The following OLA1 variants were observed in gnomAD, a reference collection of about 807,000 sequenced individuals.
The protein encoded by OLA1 is Obg like ATPase 1, also known as obg-like ATPase 1.
OLA1 carries 14 observed loss-of-function variants against 48.4 expected under a neutral mutation model. The ratio of observed to expected loss-of-function variants is 0.29; its 90% CI spans 0.19 to 0.45. The LOEUF is 0.45. Among genes scored for constraint, OLA1 ranks in the 20% least tolerant of loss-of-function variants. OLA1 has a pLI of 1.00. For missense variants in OLA1, 325 were observed against 467.1 expected, an observed-to-expected ratio of 0.70 and a Z score of 2.80; for synonymous variants, 127 against 150.4, an observed-to-expected ratio of 0.84 and a Z score of 1.14.
intron 4 of OLA1, among the ~76,000 whole-genome samples, chr2:174,145,050 C>T (rs1214926619): frequency 2.2e-5 from 3 of 139,474 alleles, no homozygotes; most frequent in Non-Finnish European, 4.6e-5. Flanking sequence ...GACAAATTAC[C>T]TAACCTCTAT....
intron 1 of OLA1, chr2:174,247,096 C>T: frequency 4.8e-6 from 1 of 207,150 alleles, no homozygotes. Context: ...TGGCTCAGGC[C>T]TGTAATCCCA....
At chr2:174,219,817 C>T (rs1484008757) in intron 4 of OLA1, among the ~76,000 whole-genome samples, 7 of 152,162 alleles carry the variant, frequency 4.6e-5, no homozygotes, top group African/African-American at 1.4e-4. Context: ...TCCATCCCCA[C>T]CTCAACTGTC....
At chr2:174,101,071 A>T (rs985037183) in intron 7 of OLA1, among the ~76,000 whole-genome samples, 3 of 152,214 alleles carry the variant, frequency 2.0e-5, no homozygotes, top group African/African-American at 7.2e-5. Context: ...CACAGTGTAG[A>T]TACATGCTTA....
chr2:174,102,201 T>A (rs1574482209), intron 7 of OLA1, among the ~76,000 whole-genome samples: 1 of 151,958 alleles, frequency 6.6e-6, no homozygotes, highest in Non-Finnish European at 1.5e-5. Flanking sequence ...TCAGGCCCCA[T>A]CTGAATCAGA....
At chr2:174,235,146 G>A (rs1396939895) in intron 2 of OLA1, among the ~76,000 whole-genome samples, 4 of 152,186 alleles carry the variant, frequency 2.6e-5, no homozygotes, top group African/African-American at 4.8e-5. Flanking sequence ...GCAACAGAGC[G>A]AGACTTTGTC....
At chr2:174,151,241 G>A (rs376902623) in intron 4 of OLA1, among the ~76,000 whole-genome samples, 3 of 152,118 alleles carry the variant, frequency 2.0e-5, no homozygotes, top group Non-Finnish European at 4.4e-5. Context: ...TCAGAAGAAC[G>A]GCATTAGAAT....
intron 3 of OLA1, among the ~76,000 whole-genome samples, chr2:174,228,208 T>G (rs1201100281): frequency 6.6e-6 from 1 of 152,134 alleles, no homozygotes; most frequent in East Asian, 1.9e-4. Context: ...GACAGAAACC[T>G]GGGATTTATC....
chr2:174,227,938 T>C (rs1452298421), intron 3 of OLA1, among the ~76,000 whole-genome samples: 3 of 152,186 alleles, frequency 2.0e-5, no homozygotes, highest in Non-Finnish European at 4.4e-5. Context: ...ACTCACAAAA[T>C]TGCTGATAAG....
intron 3 of OLA1, among the ~76,000 whole-genome samples, chr2:174,223,488 G>A (rs2105450999): frequency 6.6e-6 from 1 of 152,248 alleles, no homozygotes; most frequent in East Asian, 1.9e-4. Flanking sequence ...GGTGAAGAAT[G>A]TTTAGAGTAT....
chr2:174,219,006 T>TTTG (rs57416373), intron 4 of OLA1, among the ~76,000 whole-genome samples: 2 of 135,802 alleles, frequency 1.5e-5, no homozygotes, highest in Admixed American at 7.5e-5. Flanking sequence ...TTTTTTTTTT[T>TTTG]GTAGCAATGT....
intron 4 of OLA1, among the ~76,000 whole-genome samples, chr2:174,159,803 T>C (rs1034814759): frequency 9.5e-6 from 1 of 105,740 alleles, no homozygotes; most frequent in African/African-American, 3.7e-5. Context: ...ATGACTAATG[T>C]TGGAACACCA....
intron 8 of OLA1, among the ~76,000 whole-genome samples, chr2:174,081,707 A>G (rs979558186): frequency 1.3e-5 from 2 of 152,108 alleles, no homozygotes; most frequent in African/African-American, 4.8e-5. Context: ...ACTAATACCT[A>G]TGTTATAATT....
chr2:174,157,014 T>G (rs1490628172), intron 4 of OLA1, among the ~76,000 whole-genome samples: 2 of 125,036 alleles, frequency 1.6e-5, no homozygotes, highest in East Asian at 4.0e-4. Flanking sequence ...TGGTCAAATC[T>G]AAAAAAAAAA....
chr2:174,094,972 C>A (rs1403032760), intron 7 of OLA1, among the ~76,000 whole-genome samples: 1 of 152,196 alleles, frequency 6.6e-6, no homozygotes, highest in African/African-American at 2.4e-5. Context: ...TAGCATGTGA[C>A]ATGATTTCCT....
At chr2:174,144,951 A>AAAAAAAAAAATAT (rs1181030817) in intron 4 of OLA1, among the ~76,000 whole-genome samples, 27 of 40,288 alleles carry the variant, frequency 6.7e-4, no homozygotes, top group South Asian at 3.4e-3. Flanking sequence ...AAAAAAAAAA[A>AAAAAAAAAAATAT]ATATATATAT....
rs888744852 is a variant in OLA1 at position 174,149,081 on chromosome 2, T to A, written c.374-7081A>T. On this transcript the variant is annotated intron_variant, in intron 4 of 10. Transcript: ENST00000284719. ...AAGCTTCTTGAAGGAGCTGTCTACA[T>A]GTGCTCTCTCCACTTTTTCCGCCTA... Among the ~76,000 whole-genome samples the A allele has an allele frequency of 4.6e-5, 7 of 151,960 alleles. No homozygotes were observed. In the East Asian group the frequency reaches 1.4e-3, roughly 30 times the overall value.
At position 174,103,276 on chromosome 2, in the gene OLA1, T is replaced by C. The variant is rs192703339; in HGVS notation, c.728+19904A>G. On this transcript the variant is annotated intron_variant, in intron 7 of 10. Transcript: ENST00000284719. ...GTGCAGCGAATGGCCTGTAGGCTTTTAAATGACTTAAAAAAAAGAAAAATA... is the reference window on the plus strand; with the variant it reads ...GTGCAGCGAATGGCCTGTAGGCTTTCAAATGACTTAAAAAAAAGAAAAATA... Among the ~76,000 whole-genome samples the C allele has an allele frequency of 2.7e-3, 412 of 152,310 alleles. 9 individuals are homozygous for C. The highest frequency in any genetic ancestry group is 0.026 in the Admixed American group (403 of 15,292).
intron 5 of OLA1, among the ~76,000 whole-genome samples, chr2:174,137,514 A>T (rs1412093781): frequency 6.6e-6 from 1 of 152,334 alleles, no homozygotes; most frequent in African/African-American, 2.4e-5. Context: ...TTCTCTTCTC[A>T]AGCAATTAAA....
intron 5 of OLA1, among the ~76,000 whole-genome samples, chr2:174,135,155 G>A (rs548857181): frequency 3.3e-3 from 315 of 95,602 alleles, no homozygotes; most frequent in East Asian, 6.0e-3. Context: ...GCAAGACTCC[G>A]CCTCCAAAAA....
Sources: gnomAD v4.1 joint callset for allele counts (sites outside exome capture counted in the v4.1 genomes callset) on GRCh38, gnomAD v4.1.1 for gene constraint, MANE v1.5 for transcripts, NCBI Gene and HGNC (gene_info 2026-07-23, HGNC 2026-07-21) for gene names.